Variants in CLPB observed in about 807,000 individuals in gnomAD.
CLPB encodes ClpB family mitochondrial disaggregase.
Under a neutral mutation model 78.4 loss-of-function variants are expected in CLPB, and 40 were observed. That is an observed-to-expected ratio of 0.51 (90% CI 0.40 to 0.66). CLPB has a LOEUF of 0.66. CLPB is among the 30% of genes least tolerant of loss of function. The probability of loss-of-function intolerance (pLI) is 0.00; values close to 1 mark genes in which losing one functional copy is unlikely to be tolerated. For synonymous variants in CLPB, 333 were observed against 348.0 expected, an observed-to-expected ratio of 0.96 and a Z score of 0.48; for missense variants, 780 against 886.9, an observed-to-expected ratio of 0.88 and a Z score of 1.53.
intron 2 of CLPB, among the ~76,000 whole-genome samples, chr11:72,414,730 T>A (rs1855971765): frequency 6.6e-6 from 1 of 152,172 alleles, no homozygotes; most frequent in Non-Finnish European, 1.5e-5. Context: ...GCACTAAGTA[T>A]CACAGGTGCT....
chr11:72,368,364 T>C (rs187676168), intron 4 of CLPB, among the ~76,000 whole-genome samples: 5 of 152,356 alleles, frequency 3.3e-5, no homozygotes, highest in African/African-American at 1.2e-4. Context: ...TTATTATTCC[T>C]ATTCATTAAA....
rs571394676 is a variant in CLPB, at chr11:72,412,335, G to A, written c.456-9283C>T. On this transcript the variant is annotated intron_variant, in intron 2 of 15. Transcript: ENST00000538039. ...TCTGTCATGCCTGGAGAACTCCAAGGGAGTGAGAGCAGTGAGGGAGGGGAG... is the reference window on the plus strand; with the variant it reads ...TCTGTCATGCCTGGAGAACTCCAAGAGAGTGAGAGCAGTGAGGGAGGGGAG... Among the ~76,000 whole-genome samples, 4 of 152,318 alleles carry A rather than the reference G, an allele frequency of 2.6e-5. No homozygotes were observed. The South Asian group carries it at 8.3e-4, about 32-fold the overall frequency.
intron 1 of CLPB, among the ~76,000 whole-genome samples, chr11:72,432,230 A>G (rs182714756): frequency 1.1e-3 from 169 of 152,316 alleles, no homozygotes; most frequent in African/African-American, 3.8e-3. Flanking sequence ...TTTGCATGGA[A>G]TATAATCCAA....
intron 2 of CLPB, among the ~76,000 whole-genome samples, chr11:72,420,320 T>G (rs1170785300): frequency 6.6e-6 from 1 of 152,018 alleles, no homozygotes; most frequent in Non-Finnish European, 1.5e-5. Flanking sequence ...ATGGTGAAAC[T>G]CCGTCTCTAC....
intron 5 of CLPB, among the ~76,000 whole-genome samples, chr11:72,343,722 A>G (rs1383282740): frequency 6.6e-6 from 1 of 152,222 alleles, no homozygotes; most frequent in Non-Finnish European, 1.5e-5. Flanking sequence ...CTTTTCCCTC[A>G]TTAATTCTGA....
intron 11 of CLPB, among the ~76,000 whole-genome samples, chr11:72,299,189 CTCAG>C (rs1163003375): frequency 6.6e-6 from 1 of 152,240 alleles, no homozygotes; most frequent in Non-Finnish European, 1.5e-5. Context: ...TCCTCCTCTC[CTCAG>C]TCAACCTTCT....
chr11:72,367,050 C>T (rs1259546065), intron 4 of CLPB, among the ~76,000 whole-genome samples: 1 of 152,066 alleles, frequency 6.6e-6, no homozygotes, highest in South Asian at 2.1e-4. Context: ...TACTACACAG[C>T]CATAAAAAAG....
At position 72,293,316 on chromosome 11, in the gene CLPB, C is replaced by T. The variant is rs747156338; in HGVS notation, c.*51G>A. On this transcript the variant is annotated 3_prime_UTR_variant, in exon 16 of 16. Transcript: ENST00000538039. ...GGTAAGTCAGTTGCCATGCCACAGC[C>T]AAGGGGCCTTTATTGGATGGTGAGG... 8.2e-6 allele frequency: 13 copies of T among 1,590,958 alleles called. No homozygotes were observed. The South Asian group carries it at 1.5e-4, about 18-fold the overall frequency.
chr11:72,380,140 T>C (rs2135676715), intron 4 of CLPB, 141 bp downstream of exon 4: 1 of 653,574 alleles, frequency 1.5e-6, no homozygotes, highest in Non-Finnish European at 2.7e-6. Flanking sequence ...TCCAAGCCCT[T>C]TGGGGTCTCC....
intron 6 of CLPB, among the ~76,000 whole-genome samples, chr11:72,322,393 C>T (rs1185377034): frequency 6.6e-6 from 1 of 152,098 alleles, no homozygotes; most frequent in African/African-American, 2.4e-5. Flanking sequence ...AGTTTGTGCT[C>T]GTCTCAGGTG....
chr11:72,400,705 G>A (rs1855536426), intron 3 of CLPB, among the ~76,000 whole-genome samples: 1 of 151,418 alleles, frequency 6.6e-6, no homozygotes, highest in South Asian at 2.1e-4. Flanking sequence ...AATAACACAT[G>A]TGTTTGTGTA....
At chr11:72,317,026 G>A in intron 7 of CLPB, 80 bp downstream of exon 7, 1 of 860,154 alleles carries the variant, frequency 1.2e-6, no homozygotes, top group Non-Finnish European at 1.8e-6. Flanking sequence ...ATTATTAACA[G>A]CGCCTATCCA....
chr11:72,340,375 A>G (rs1950398573), intron 5 of CLPB, among the ~76,000 whole-genome samples: 1 of 152,206 alleles, frequency 6.6e-6, no homozygotes, highest in Non-Finnish European at 1.5e-5. Context: ...TGCAAAATTT[A>G]CAGTGGAACA....
rs748882394 is a variant in CLPB at position 72,434,355 on chromosome 11, C to A, written c.120G>T (p.Gly40=). ...GGASGRNVTT[G]SLGEPQWLRV... is the part of the protein sequence containing the mutation. ...TCAGCCACTGCGGCTCCCCGAGACT[C>A]CCAGTAGTCACATTCCGGCCGGAAG... The change falls in exon 1 of 16, where the codon GGG becomes GGT. Residue 40 remains glycine, a synonymous_variant. Coordinates refer to ENST00000538039, the MANE Select transcript of CLPB (RefSeq NM_001258392.3). 1 of 1,612,150 alleles carries A rather than the reference C, an allele frequency of 6.2e-7. No homozygotes were observed. Among genetic ancestry groups the A allele is most frequent in the East Asian group, 2.2e-5 (1 of 44,870 alleles).
chr11:72,306,776 G>A (rs2135509830), intron 9 of CLPB, among the ~76,000 whole-genome samples: 1 of 152,298 alleles, frequency 6.6e-6, no homozygotes, highest in Non-Finnish European at 1.5e-5. Flanking sequence ...AGCCATGACT[G>A]CACTGAACAG....
chr11:72,410,111 T>C (rs1009820355), intron 2 of CLPB, among the ~76,000 whole-genome samples: 2 of 152,086 alleles, frequency 1.3e-5, no homozygotes, highest in East Asian at 3.8e-4. Context: ...GTACCTGTAA[T>C]CCAAGCTACT....
rs536568053 is a variant in CLPB at position 72,420,738 on chromosome 11, C to A, written c.455+9574G>T. On this transcript the variant is annotated intron_variant, in intron 2 of 15. Coordinates refer to ENST00000538039, the MANE Select transcript of CLPB (RefSeq NM_001258392.3). ...GGAGTTATTAAGAAACTATTTCAGGCAGATAAGAGAGGGAGAGGTCCTTGG... is the reference window on the plus strand; with the variant it reads ...GGAGTTATTAAGAAACTATTTCAGGAAGATAAGAGAGGGAGAGGTCCTTGG... 2.6e-4 allele frequency among the ~76,000 whole-genome samples: 39 copies of A among 152,280 alleles called. No individual in the cohort carries two copies. The South Asian group carries it at 7.0e-3, about 27-fold the overall frequency.
chr11:72,357,544 A>G (rs1441079645), intron 5 of CLPB, among the ~76,000 whole-genome samples: 3 of 151,918 alleles, frequency 2.0e-5, no homozygotes, highest in East Asian at 3.9e-4. Context: ...TAAAAATACA[A>G]TATTAGCCAG....
intron 11 of CLPB, among the ~76,000 whole-genome samples, chr11:72,297,521 C>T (rs886139389): frequency 1.3e-5 from 2 of 152,180 alleles, no homozygotes; most frequent in African/African-American, 2.4e-5. Flanking sequence ...AAAAGGGAAG[C>T]AAGGGTGCAA....
Sources: gnomAD v4.1 joint callset for allele counts (sites outside exome capture counted in the v4.1 genomes callset) on GRCh38, gnomAD v4.1.1 for gene constraint, MANE v1.5 for transcripts, NCBI Gene and HGNC (gene_info 2026-07-23, HGNC 2026-07-21) for gene names.